Variants in HMCN2 observed in about 807,000 individuals in gnomAD.
The protein encoded by HMCN2 is hemicentin 2.
HMCN2 carries 325 observed loss-of-function variants against 377.5 expected under a neutral mutation model. The ratio of observed to expected loss-of-function variants is 0.86; its 90% CI spans 0.79 to 0.94. The LOEUF (loss-of-function observed/expected upper bound fraction) is 0.94, where lower values mean the gene tolerates loss of function less well. Among genes scored for constraint, HMCN2 ranks in the 40% least tolerant of loss-of-function variants. The pLI, the probability that HMCN2 is intolerant of heterozygous loss-of-function variation, is 0.00. For missense variants in HMCN2, 4,543 were observed against 4,725.3 expected, an observed-to-expected ratio of 0.96 and a Z score of 1.13; for synonymous variants, 2,007 against 2,046.8, an observed-to-expected ratio of 0.98 and a Z score of 0.53.
Position 130,360,152 on chromosome 9 carries a change from C to T in HMCN2, c.5774-276C>T, listed in dbSNP as rs995854383. On this transcript the variant is annotated intron_variant, in intron 37 of 97. Transcript: ENST00000683500. This position sits in a 1 kb window ranked among gnomAD's most constrained non-coding sequence, Gnocchi z 4.7. ...CTTGGTCCTGTCTTGGGCAACATTGCCCGGTTCCATCCCGGTTCCCTTTCC... is the reference window on the plus strand; with the variant it reads ...CTTGGTCCTGTCTTGGGCAACATTGTCCGGTTCCATCCCGGTTCCCTTTCC... Among the ~76,000 whole-genome samples, 1 of 152,164 alleles carries T rather than the reference C, an allele frequency of 6.6e-6. No homozygotes were observed. The highest frequency in any genetic ancestry group is 2.4e-5 in the African/African-American group (1 of 41,428).
intron 88 of HMCN2, 42 bp from the exon 89 acceptor site, chr9:130,424,967 A>T: frequency 6.6e-7 from 1 of 1,508,990 alleles, no homozygotes; most frequent in South Asian, 1.3e-5. Flanking sequence ...TGCGCCCAGG[A>T]CCTCCCGTGG....
At chr9:130,404,615 G>T (rs534053392) in intron 80 of HMCN2, among the ~76,000 whole-genome samples, 1 of 152,374 alleles carries the variant, frequency 6.6e-6, no homozygotes, top group African/African-American at 2.4e-5. Flanking sequence ...GTGTGTGTGC[G>T]TGTATATGTG....
At chr9:130,273,268 TA>T (rs1200811689) in intron 1 of HMCN2, among the ~76,000 whole-genome samples, 1 of 152,154 alleles carries the variant, frequency 6.6e-6, no homozygotes, top group African/African-American at 2.4e-5. Context: ...ATTCATTTCA[TA>T]TATTAATTTT....
Position 130,379,463 on chromosome 9 carries a change from G to A in HMCN2, c.8427G>A (p.Leu2809=). 1.0e-6 allele frequency: 1 copy of A among 985,840 alleles called. No individual in the cohort carries two copies. Among genetic ancestry groups the A allele is most frequent in the Non-Finnish European group, 1.2e-6 (1 of 829,938 alleles). 61.1% of individuals were successfully genotyped at this position (985,840 alleles called of 1,614,324 possible). A position where few individuals can be genotyped will look rare whatever the true frequency, so the allele number is the denominator to read the frequency against. Residue 2809 remains leucine (L), a synonymous_variant, in exon 54 of 98, where the codon CTG becomes CTA. Transcript: ENST00000683500. ...PLSAGDEVSV[L]QGGRVLQIPL... is the part of the protein sequence containing the mutation. ...CGGCCGGGGATGAGGTGTCTGTGCTGCAAGGTGGGTCAGGGGTGCGTGAAG... is the reference window on the plus strand; with the variant it reads ...CGGCCGGGGATGAGGTGTCTGTGCTACAAGGTGGGTCAGGGGTGCGTGAAG...
At chr9:130,335,173 T>C (rs1838680704) in intron 22 of HMCN2, among the ~76,000 whole-genome samples, 1 of 152,098 alleles carries the variant, frequency 6.6e-6, no homozygotes, top group Non-Finnish European at 1.5e-5. Context: ...AGCCCAGACC[T>C]CTTCCTACTG....
Position 130,424,913 on chromosome 9 carries a change from G to C in HMCN2, c.13519G>C (p.Gly4507Arg). 1.4e-6 allele frequency: 2 copies of C among 1,462,070 alleles called. No homozygotes were observed. The highest frequency in any genetic ancestry group is 1.4e-5 in the South Asian group (1 of 70,394). 90.6% of individuals were successfully genotyped at this position (1,462,070 alleles called of 1,614,324 possible). ...RQESHVEFAT[G>R]ELLTMTQVAR... Reference sequence around the variant, plus strand: ...GGAGTCACACGTGGAGTTTGCTACAGGTAAACAGGGCCTCCCCCAGGTGGG... The same window carrying C: ...GGAGTCACACGTGGAGTTTGCTACACGTAAACAGGGCCTCCCCCAGGTGGG... The change falls in exon 88 of 98, where the codon GGG becomes CGG. Residue 4507 changes from glycine (G) to arginine (R), a missense_variant and splice_region_variant. Gly to Arg is a moderately radical substitution (Grantham distance 125, BLOSUM62 -2). This residue lies in a region of HMCN2 where 1,155 missense variants were observed against 1,157.7 expected (regional missense o/e 1.00). Coordinates refer to ENST00000683500, the MANE Select transcript of HMCN2 (RefSeq NM_001291815.2).
chr9:130,433,388 G>T lies in HMCN2; in HGVS notation c.14935G>T (p.Gly4979Cys), dbSNP rs1214658837. 3 of 1,483,708 alleles carry T rather than the reference G, an allele frequency of 2.0e-6. No homozygotes were observed. In the South Asian group the frequency reaches 3.8e-5, roughly 19 times the overall value. 91.9% of individuals were successfully genotyped at this position (1,483,708 alleles called of 1,614,324 possible). A position where few individuals can be genotyped will look rare whatever the true frequency, so the allele number is the denominator to read the frequency against. ...RRCSQDCGTGGPSTLQYRLLP... is the reference protein window; with the variant it reads ...RRCSQDCGTGCPSTLQYRLLP... ...CTGCTCGCAGGACTGCGGCACGGGC[G>T]GCCCCTCTACGCTGCAGTACCGGCT... The change falls in exon 98 of 98, where the codon GGC becomes TGC. Residue 4979 changes from glycine to cysteine, a missense_variant. By Grantham distance (159) the Gly-to-Cys change is radical. Transcript: ENST00000683500.
intron 15 of HMCN2, among the ~76,000 whole-genome samples, chr9:130,312,269 T>C (rs1311695559): frequency 2.0e-5 from 3 of 151,890 alleles, no homozygotes; most frequent in Non-Finnish European, 4.4e-5. Flanking sequence ...GGGCTCCTCA[T>C]TGCCAAAATG....
At chr9:130,318,796 G>A (rs1837697213) in intron 15 of HMCN2, among the ~76,000 whole-genome samples, 1 of 152,186 alleles carries the variant, frequency 6.6e-6, no homozygotes, top group African/African-American at 2.4e-5. Flanking sequence ...ATAAGGTCAC[G>A]TTATTTATAA....
intron 76 of HMCN2, 112 bp downstream of exon 76, chr9:130,399,744 T>A: frequency 2.8e-6 from 2 of 706,664 alleles, no homozygotes; most frequent in Non-Finnish European, 4.0e-6. Context: ...TGTGCTGCAC[T>A]GGACACCTCC....
intron 89 of HMCN2, among the ~76,000 whole-genome samples, chr9:130,425,380 AAG>A (rs1844271136): frequency 6.6e-6 from 1 of 152,040 alleles, no homozygotes; most frequent in African/African-American, 2.4e-5. Flanking sequence ...ACGAGTCCTG[AAG>A]AGAGGTGAGC....
intron 85 of HMCN2, among the ~76,000 whole-genome samples, chr9:130,413,281 C>G (rs573054658): frequency 6.6e-6 from 1 of 152,300 alleles, no homozygotes; most frequent in East Asian, 1.9e-4. Context: ...GTTGGACCCT[C>G]TGGTACACAG....
intron 32 of HMCN2, 29 bp from the exon 33 acceptor site, chr9:130,355,717 A>G (rs1209770615): frequency 1.6e-6 from 2 of 1,256,868 alleles, no homozygotes; most frequent in South Asian, 2.5e-5. Flanking sequence ...GCTCAGCTCC[A>G]AACACCCAGG....
intron 48 of HMCN2, 45 bp downstream of exon 48, chr9:130,373,169 G>T (rs530100464): frequency 1.9e-5 from 15 of 796,232 alleles, no homozygotes; most frequent in East Asian, 1.3e-4. Context: ...GGGCGGGAAG[G>T]CACCTTCAGA....
chr9:130,273,798 A>T (rs1554922039), intron 1 of HMCN2, among the ~76,000 whole-genome samples: 1 of 152,196 alleles, frequency 6.6e-6, no homozygotes, highest in East Asian at 1.9e-4. Context: ...GCGCCCGGCC[A>T]TCTTGTCTTG....
At position 130,393,124 on chromosome 9, in the gene HMCN2, C is replaced by A; in HGVS notation, c.10137-88C>A. The A allele has an allele frequency of 1.2e-6, 1 of 851,216 alleles. No individual in the cohort carries two copies. Among genetic ancestry groups the A allele is most frequent in the Non-Finnish European group, 1.4e-6 (1 of 705,724 alleles). 52.7% of individuals were successfully genotyped at this position (851,216 alleles called of 1,614,324 possible). ...AAAGGGAGGAAGTCTTTCCACGCAG[C>A]CAGCCTCTCCTGTCTCTCTCCCTTT... On this transcript the variant is annotated intron_variant, in intron 66 of 97. Coordinates refer to ENST00000683500, the MANE Select transcript of HMCN2 (RefSeq NM_001291815.2). The surrounding 1 kb of genome is among the most constrained non-coding windows in gnomAD (Gnocchi z 5.2).
chr9:130,428,355 C>T lies in HMCN2; in HGVS notation c.14066-3C>T. 1.3e-6 allele frequency: 2 copies of T among 1,545,118 alleles called. No homozygotes were observed. Among genetic ancestry groups the T allele is most frequent in the Non-Finnish European group, 8.7e-7 (1 of 1,145,128 alleles). On this transcript the variant is annotated splice_polypyrimidine_tract_variant and splice_region_variant and intron_variant, in intron 92 of 97. Transcript: ENST00000683500. The surrounding 1 kb of genome is among the most constrained non-coding windows in gnomAD (Gnocchi z 5.0). ...ACAGCCGTCTGCCCTGATCTGCCCC[C>T]AGATGTGGACGAGTGTGCGTGGGAT...
chr9:130,348,683 T>G lies in HMCN2; in HGVS notation c.4155+8T>G. ...CTGAAGGACGCGCAGCTGGTGGGTG[T>G]CCCCCTAGGGTGGGCGGGGTATGGG... On this transcript the variant is annotated splice_region_variant and intron_variant, in intron 27 of 97. Transcript: ENST00000683500. The G allele has an allele frequency of 2.1e-6, 1 of 468,262 alleles. No individual in the cohort carries two copies. Among genetic ancestry groups the G allele is most frequent in the African/African-American group, 2.2e-5 (1 of 45,140 alleles). 29.0% of individuals were successfully genotyped at this position (468,262 alleles called of 1,614,324 possible).
intron 1 of HMCN2, among the ~76,000 whole-genome samples, chr9:130,274,126 C>T (rs1834549648): frequency 1.3e-5 from 2 of 151,510 alleles, no homozygotes; most frequent in Admixed American, 6.6e-5. Context: ...GATCTTGACT[C>T]ACTGCAGCTT....
Sources: gnomAD v4.1 joint callset for allele counts (sites outside exome capture counted in the v4.1 genomes callset) on GRCh38, gnomAD v4.1.1 for gene constraint, gnomAD v4.1.1 regional missense constraint, Gnocchi (gnomAD v3.1) non-coding constraint, MANE v1.5 for transcripts, NCBI Gene and HGNC (gene_info 2026-07-23, HGNC 2026-07-21) for gene names.